The following ZMAT4 variants were observed in gnomAD, a reference collection of about 807,000 sequenced individuals.
ZMAT4 encodes zinc finger matrin-type 4, also known as zinc finger matrin-type protein 4.
In ZMAT4, 17 loss-of-function variants were observed where a neutral mutation model predicts 28.7. The observed-to-expected ratio is 0.59, with a 90% confidence interval of 0.41 to 0.89. The LOEUF (loss-of-function observed/expected upper bound fraction) is 0.89, where lower values mean the gene tolerates loss of function less well. ZMAT4 is among the 40% of genes least tolerant of loss of function. The pLI, the probability that ZMAT4 is intolerant of heterozygous loss-of-function variation, is 0.00. For missense variants in ZMAT4, 240 were observed against 283.8 expected, an observed-to-expected ratio of 0.85 and a Z score of 1.11; for synonymous variants, 117 against 109.2, an observed-to-expected ratio of 1.07 and a Z score of -0.44.
intron 3 of ZMAT4, among the ~76,000 whole-genome samples, chr8:40,743,982 T>C (rs951270397): frequency 2.6e-5 from 4 of 152,170 alleles, no homozygotes; most frequent in Non-Finnish European, 5.9e-5. Flanking sequence ...GGTGAACAGC[T>C]TTGAAAAAAT....
intron 2 of ZMAT4, among the ~76,000 whole-genome samples, chr8:40,780,617 A>C (rs1352080327): frequency 3.9e-5 from 6 of 152,242 alleles, no homozygotes; most frequent in African/African-American, 1.2e-4. Context: ...AAGTATATTT[A>C]AGAAGTTGAG....
At chr8:40,684,076 A>T (rs913256331) in intron 4 of ZMAT4, among the ~76,000 whole-genome samples, 1 of 152,148 alleles carries the variant, frequency 6.6e-6, no homozygotes, top group Non-Finnish European at 1.5e-5. Flanking sequence ...AGAAAAAAAA[A>T]AAAATCAGAT....
At chr8:40,821,114 T>TAC (rs1027176495) in intron 2 of ZMAT4, among the ~76,000 whole-genome samples, 2 of 151,948 alleles carry the variant, frequency 1.3e-5, no homozygotes, top group Admixed American at 6.6e-5. Flanking sequence ...TGTATGTGTG[T>TAC]ACACACACAT....
intron 6 of ZMAT4, among the ~76,000 whole-genome samples, chr8:40,562,050 C>T (rs1803761111): frequency 6.6e-6 from 1 of 152,136 alleles, no homozygotes; most frequent in African/African-American, 2.4e-5. Flanking sequence ...TCTCTCTGCA[C>T]CTTTCTCTAC....
Position 40,566,445 on chromosome 8 carries a change from G to A in ZMAT4, c.674+14720C>T, listed in dbSNP as rs146887199. Among the ~76,000 whole-genome samples, 337 of 152,240 alleles carry A rather than the reference G, an allele frequency of 2.2e-3. 1 individual carries two copies. The highest frequency in any genetic ancestry group is 7.2e-3 in the African/African-American group (301 of 41,542). On this transcript the variant is annotated intron_variant, in intron 6 of 6. Transcript: ENST00000297737. ...CCTTCCTATTACCTTTAGAAGGGGT[G>A]CAGCAGAGGGTGGTCATTCAATTTC...
At chr8:40,802,548 G>T (rs1814895114) in intron 2 of ZMAT4, among the ~76,000 whole-genome samples, 1 of 151,984 alleles carries the variant, frequency 6.6e-6, no homozygotes, top group Non-Finnish European at 1.5e-5. Flanking sequence ...CAATTTTGAT[G>T]AAGAAAATCA....
chr8:40,537,989 A>T (rs759790677), intron 6 of ZMAT4, among the ~76,000 whole-genome samples: 5 of 152,142 alleles, frequency 3.3e-5, no homozygotes, highest in Non-Finnish European at 4.4e-5. Context: ...AAATTCTAAG[A>T]AACCCTCCCC....
chr8:40,682,878 C>T (rs1037526491), intron 4 of ZMAT4, among the ~76,000 whole-genome samples: 3 of 152,152 alleles, frequency 2.0e-5, no homozygotes, highest in Non-Finnish European at 2.9e-5. Flanking sequence ...TGCCTGGTTT[C>T]TGCAGAATTT....
intron 1 of ZMAT4, among the ~76,000 whole-genome samples, chr8:40,876,812 AG>A (rs1194971424): frequency 6.6e-6 from 1 of 152,204 alleles, no homozygotes; most frequent in Non-Finnish European, 1.5e-5. Context: ...CGACTGTGCA[AG>A]GGGTTGGCAC....
chr8:40,666,879 T>C (rs1335635048), intron 5 of ZMAT4, among the ~76,000 whole-genome samples: 1 of 151,966 alleles, frequency 6.6e-6, no homozygotes, highest in Non-Finnish European at 1.5e-5. Context: ...CCTAGAAATA[T>C]CAAAAAATTA....
intron 2 of ZMAT4, 51 bp from the exon 3 acceptor site, chr8:40,767,781 C>G: frequency 2.0e-6 from 3 of 1,473,180 alleles, no homozygotes; most frequent in South Asian, 2.6e-5. Context: ...CCATTTCAAA[C>G]CCTTTGAAAC....
intron 3 of ZMAT4, among the ~76,000 whole-genome samples, chr8:40,720,924 C>T (rs138582863): frequency 0.018 from 2,773 of 152,132 alleles, 39 homozygotes; most frequent in Middle Eastern, 0.048. Flanking sequence ...GCAGAGTAGT[C>T]AATGTCATGA....
At chr8:40,712,926 CTG>C (rs1055766365) in intron 3 of ZMAT4, among the ~76,000 whole-genome samples, 5 of 151,950 alleles carry the variant, frequency 3.3e-5, no homozygotes, top group Non-Finnish European at 7.4e-5. Context: ...ATTTGCAAAA[CTG>C]ATGCAAGTTT....
At chr8:40,742,665 T>C (rs1812056141) in intron 3 of ZMAT4, among the ~76,000 whole-genome samples, 1 of 152,112 alleles carries the variant, frequency 6.6e-6, no homozygotes, top group Non-Finnish European at 1.5e-5. Flanking sequence ...TCATACATTC[T>C]TGAAGAATCT....
At chr8:40,785,354 A>C (rs888517480) in intron 2 of ZMAT4, among the ~76,000 whole-genome samples, 2 of 152,232 alleles carry the variant, frequency 1.3e-5, no homozygotes, top group Non-Finnish European at 2.9e-5. Flanking sequence ...AGCTTGTCTC[A>C]TGTGGTTCCA....
chr8:40,696,453 G>A (rs184170363), intron 4 of ZMAT4, among the ~76,000 whole-genome samples: 47 of 152,218 alleles, frequency 3.1e-4, no homozygotes, highest in African/African-American at 8.4e-4. Context: ...CATGAAATAC[G>A]CCCCCAACTT....
intron 1 of ZMAT4, among the ~76,000 whole-genome samples, chr8:40,851,096 G>A (rs542774343): frequency 1.3e-5 from 2 of 152,250 alleles, no homozygotes; most frequent in South Asian, 2.1e-4. Context: ...GGAGACCGCG[G>A]TAGGCAGATC....
chr8:40,692,360 A>C (rs1247981219), intron 4 of ZMAT4, among the ~76,000 whole-genome samples: 2 of 152,200 alleles, frequency 1.3e-5, no homozygotes, highest in East Asian at 3.9e-4. Flanking sequence ...GAAAGATTGC[A>C]CTCATATCCA....
At chr8:40,755,721 G>T (rs1285810675) in intron 3 of ZMAT4, among the ~76,000 whole-genome samples, 1 of 152,172 alleles carries the variant, frequency 6.6e-6, no homozygotes, top group Non-Finnish European at 1.5e-5. Flanking sequence ...CCAAAATGCT[G>T]GGATTAAGGG....
Sources: allele counts gnomAD v4.1 joint callset (sites outside exome capture counted in the v4.1 genomes callset), GRCh38; gene constraint gnomAD v4.1.1; transcripts MANE v1.5; gene names NCBI Gene and HGNC (gene_info 2026-07-23, HGNC 2026-07-21).